Variants in MYDGF observed in about 807,000 individuals in gnomAD.
MYDGF encodes the protein myeloid-derived growth factor.
Under a neutral mutation model 24.2 loss-of-function variants are expected in MYDGF, and 29 were observed. That is an observed-to-expected ratio of 1.20 (90% CI 0.89 to 1.63). The LOEUF (loss-of-function observed/expected upper bound fraction) is 1.63, where lower values mean the gene tolerates loss of function less well. Among genes scored for constraint, MYDGF ranks in the 40% most tolerant of loss-of-function variants. MYDGF has a pLI of 0.00. For missense variants in MYDGF, 245 were observed against 234.8 expected, an observed-to-expected ratio of 1.04 and a Z score of -0.29; for synonymous variants, 105 against 102.5, an observed-to-expected ratio of 1.02 and a Z score of -0.15.
intron 4 of MYDGF, 84 bp from the exon 5 acceptor site, chr19:4,660,087 GCA>G: frequency 7.5e-7 from 1 of 1,329,598 alleles, no homozygotes; most frequent in South Asian, 1.2e-5. Flanking sequence ...TTCCAGAGAA[GCA>G]CAGACTAAAG....
chr19:4,668,790 T>A, intron 1 of MYDGF, 145 bp from the exon 2 acceptor site: 1 of 623,034 alleles, frequency 1.6e-6, no homozygotes, highest in South Asian at 1.8e-5. Context: ...TGAGTAATCC[T>A]CTTGCCTCAG....
chr19:4,663,736 C>T (rs1181833802), intron 3 of MYDGF, among the ~76,000 whole-genome samples: 1 of 114,334 alleles, frequency 8.7e-6, no homozygotes, highest in Non-Finnish European at 1.9e-5. Flanking sequence ...CCCACCCACC[C>T]CATCCTCATT....
At chr19:4,669,778 G>A (rs2088549838) in intron 1 of MYDGF, among the ~76,000 whole-genome samples, 1 of 152,122 alleles carries the variant, frequency 6.6e-6, no homozygotes, top group South Asian at 2.1e-4. Flanking sequence ...GAGCTGCAGC[G>A]ACTGATTTCC....
At chr19:4,668,738 G>A (rs764934236) in intron 1 of MYDGF, 93 bp from the exon 2 acceptor site, 5 of 1,074,052 alleles carry the variant, frequency 4.7e-6, no homozygotes, top group African/African-American at 3.1e-5. Context: ...CTGGAGTGCA[G>A]GGGCACAATG....
rs557492703 is a variant in MYDGF, at chr19:4,666,185, C to T, written c.226-1248G>A. ...CTGGCCTCTTGCACGATGTTACCACCGGGGAACCTGGTTAAACGGTACTTG... is the reference window on the plus strand; with the variant it reads ...CTGGCCTCTTGCACGATGTTACCACTGGGGAACCTGGTTAAACGGTACTTG... On this transcript the variant is annotated intron_variant, in intron 2 of 5. Transcript: ENST00000262947. Among the ~76,000 whole-genome samples the T allele has an allele frequency of 7.9e-5, 12 of 152,130 alleles. No individual in the cohort carries two copies. The East Asian group carries it at 1.2e-3, about 15-fold the overall frequency.
chr19:4,663,369 C>T (rs2088488221), intron 3 of MYDGF, among the ~76,000 whole-genome samples: 1 of 140,282 alleles, frequency 7.1e-6, no homozygotes, highest in Non-Finnish European at 1.5e-5. Context: ...ATCCAATCTA[C>T]TCTCCCCACC....
chr19:4,669,611 A>G (rs2088547581), intron 1 of MYDGF, among the ~76,000 whole-genome samples: 1 of 152,172 alleles, frequency 6.6e-6, no homozygotes, highest in Non-Finnish European at 1.5e-5. Flanking sequence ...ATAGTCAAAA[A>G]ACAGTAAAGA....
At chr19:4,660,957 T>G (rs1239839261) in intron 3 of MYDGF, among the ~76,000 whole-genome samples, 2 of 142,092 alleles carry the variant, frequency 1.4e-5, no homozygotes, top group Non-Finnish European at 1.5e-5. Context: ...CTTTCTTTTG[T>G]GCCAGAATTT....
intron 1 of MYDGF, among the ~76,000 whole-genome samples, chr19:4,669,589 G>A (rs1599841207): frequency 1.3e-5 from 2 of 152,322 alleles, no homozygotes; most frequent in East Asian, 3.9e-4. Context: ...CTGCACGCAA[G>A]TCTAAAAAGA....
chr19:4,663,564 A>AT (rs2088494322), intron 3 of MYDGF, among the ~76,000 whole-genome samples: 1 of 1,684 alleles, frequency 5.9e-4, no homozygotes, highest in African/African-American at 2.0e-3. Flanking sequence ...CACCCACCCC[A>AT]CCCTCATTCT....
intron 5 of MYDGF, among the ~76,000 whole-genome samples, chr19:4,659,233 G>A (rs1301076009): frequency 1.3e-5 from 2 of 151,776 alleles, no homozygotes; most frequent in African/African-American, 4.8e-5. Context: ...ACACCACCAT[G>A]CCCGGCTAAT....
chr19:4,667,052 G>T (rs976380926), intron 2 of MYDGF, among the ~76,000 whole-genome samples: 1 of 151,648 alleles, frequency 6.6e-6, no homozygotes, highest in Non-Finnish European at 1.5e-5. Context: ...TAGAGGCCGC[G>T]TGTATTCCCT....
chr19:4,668,706 C>G (rs967843207), intron 1 of MYDGF, 61 bp from the exon 2 acceptor site: 44 of 1,458,824 alleles, frequency 3.0e-5, no homozygotes, highest in Non-Finnish European at 3.9e-5. Flanking sequence ...GTTTAAGAGA[C>G]GGGGTCTTGC....
At chr19:4,670,039 A>T in intron 1 of MYDGF, 122 bp downstream of exon 1, 4 of 1,107,976 alleles carry the variant, frequency 3.6e-6, no homozygotes, top group Non-Finnish European at 4.7e-6. Flanking sequence ...AACAATCCGC[A>T]CCCCTTCTTC....
intron 2 of MYDGF, among the ~76,000 whole-genome samples, chr19:4,667,092 G>A (rs542814590): frequency 6.6e-6 from 1 of 151,504 alleles, no homozygotes; most frequent in Admixed American, 6.6e-5. Context: ...GGCAGCAGTG[G>A]CGTATGTGTC....
intron 2 of MYDGF, among the ~76,000 whole-genome samples, chr19:4,666,758 A>C (rs183391508): frequency 6.6e-6 from 1 of 152,198 alleles, no homozygotes; most frequent in African/African-American, 2.4e-5. Flanking sequence ...AGCGCTTTAC[A>C]TAGGATACAG....
chr19:4,668,573 G>A, intron 2 of MYDGF, 22 bp downstream of exon 2: 2 of 1,598,748 alleles, frequency 1.3e-6, no homozygotes, highest in African/African-American at 1.3e-5. Context: ...CAGTAAGCTA[G>A]AGGGAATTTT....
chr19:4,663,158 C>T (rs1383532955), intron 3 of MYDGF, among the ~76,000 whole-genome samples: 3 of 147,948 alleles, frequency 2.0e-5, no homozygotes, highest in Non-Finnish European at 3.0e-5. Context: ...CCTCCCCACC[C>T]GTCCTGTCCT....
At chr19:4,667,835 C>A (rs371034505) in intron 2 of MYDGF, among the ~76,000 whole-genome samples, 2 of 152,078 alleles carry the variant, frequency 1.3e-5, no homozygotes, top group African/African-American at 4.8e-5. Flanking sequence ...GTAGCTGGAA[C>A]CACAGGTGCA....
Sources: allele counts gnomAD v4.1 joint callset (sites outside exome capture counted in the v4.1 genomes callset), GRCh38; gene constraint gnomAD v4.1.1; transcripts MANE v1.5; gene names NCBI Gene and HGNC (gene_info 2026-07-23, HGNC 2026-07-21).